ALG13: variants seen among roughly 807,000 people sequenced by gnomAD.
ALG13 encodes ALG13 UDP-N-acetylglucosaminyltransferase subunit, also known as UDP-N-acetylglucosamine transferase subunit ALG13.
In ALG13, 11 loss-of-function variants were observed where a neutral mutation model predicts 87.8. The ratio of observed to expected loss-of-function variants is 0.13; its 90% CI spans 0.08 to 0.21. The LOEUF is 0.21. Among genes scored for constraint, ALG13 ranks in the 10% least tolerant of loss-of-function variants. ALG13 has a pLI of 1.00. For synonymous variants in ALG13, 320 were observed against 306.3 expected (o/e 1.04, Z -0.47); for missense variants, 756 against 866.1 (o/e 0.87, Z 1.60).
At chrX:111,753,703 A>G (rs995981460) in intron 25 of ALG13, among the ~76,000 whole-genome samples, 1 of 111,583 alleles carries the variant, frequency 9.0e-6, no homozygotes, top group South Asian at 3.7e-4. Context: ...GGACACACAC[A>G]CCCTCCCAAG....
rs145167789 is a variant in ALG13, at chrX:111,759,343, G to C, written c.3149-391G>C. Among the ~76,000 whole-genome samples the C allele has an allele frequency of 4.5e-5, 5 of 110,900 alleles. No individual in the cohort carries two copies. In the East Asian group the frequency reaches 1.4e-3, roughly 32 times the overall value. On this transcript the variant is annotated intron_variant, in intron 26 of 26. Transcript: ENST00000394780. ...TAGACCAGAATGTCTAGACACCTGA[G>C]TTTTTCATTGCTAAATGGTTATTCG...
At chrX:111,681,507 C>G (rs1176338442) in intron 1 of ALG13, 36 of 1,019,114 alleles carry the variant, frequency 3.5e-5, no homozygotes, top group Non-Finnish European at 4.3e-5. Flanking sequence ...TTGCCTGTTT[C>G]CTCTTCCCAT....
At chrX:111,701,843 G>A (rs1476271910) in intron 3 of ALG13, among the ~76,000 whole-genome samples, 2 of 111,234 alleles carry the variant, frequency 1.8e-5, no homozygotes, top group African/African-American at 6.5e-5. Context: ...GTTACATCCT[G>A]TAAGTTTTTG....
At chrX:111,710,864 T>C (rs1939649732) in intron 5 of ALG13, 1 of 110,672 alleles carries the variant, frequency 9.0e-6, no homozygotes. Context: ...GTCTGGCTAA[T>C]TTTTTTGTAT....
intron 21 of ALG13, 96 bp downstream of exon 21, chrX:111,730,676 C>G: frequency 1.6e-6 from 1 of 627,789 alleles, no homozygotes. Flanking sequence ...TCAGAACAAC[C>G]CTGTGAGGCT....
chrX:111,698,952 C>G (rs1461350004), intron 3 of ALG13, among the ~76,000 whole-genome samples: 3 of 111,653 alleles, frequency 2.7e-5, no homozygotes, highest in African/African-American at 9.8e-5. Context: ...TCTATAATGG[C>G]TGTACTAATT....
At chrX:111,697,204 G>A (rs1241084409) in intron 3 of ALG13, among the ~76,000 whole-genome samples, 1 of 111,289 alleles carries the variant, frequency 9.0e-6, no homozygotes, top group Non-Finnish European at 1.9e-5. Context: ...GAGGGAAGAA[G>A]GTGTTTGATA....
intron 13 of ALG13, among the ~76,000 whole-genome samples, chrX:111,723,161 T>TC (rs1387827589): frequency 9.4e-6 from 1 of 106,173 alleles, no homozygotes; most frequent in Non-Finnish European, 1.9e-5. Flanking sequence ...TTATTTTTAT[T>TC]TTTTTTTTGA....
chrX:111,681,932 A>T, intron 1 of ALG13, 200 bp from the exon 2 acceptor site: 4 of 864,651 alleles, frequency 4.6e-6, no homozygotes, highest in East Asian at 4.1e-5. Context: ...TGGGTCGCTT[A>T]GATTCATGAG....
chrX:111,738,396 A>G (rs1246368411), intron 23 of ALG13, among the ~76,000 whole-genome samples: 2 of 112,310 alleles, frequency 1.8e-5, no homozygotes, highest in Non-Finnish European at 3.8e-5. Flanking sequence ...AAATTCTCCA[A>G]TAAGCATTTC....
intron 21 of ALG13, 114 bp downstream of exon 21, chrX:111,730,694 A>G (rs1475366890): frequency 1.1e-5 from 6 of 531,336 alleles, no homozygotes; most frequent in Non-Finnish European, 1.5e-5. Flanking sequence ...GCTTAGTATC[A>G]TTCTCATTTT....
chrX:111,707,540 C>G (rs1233762751), intron 3 of ALG13, among the ~76,000 whole-genome samples: 2 of 111,580 alleles, frequency 1.8e-5, no homozygotes, highest in Non-Finnish European at 1.9e-5. Flanking sequence ...TGCCCTCTGC[C>G]GCTATAGATT....
chrX:111,723,697 TAA>T, intron 13 of ALG13, 99 bp from the exon 14 acceptor site: 1 of 503,290 alleles, frequency 2.0e-6, no homozygotes, highest in Non-Finnish European at 3.4e-6. Flanking sequence ...CGAATTACTT[TAA>T]AAAGTAGACA....
chrX:111,712,012 A>G (rs1223550665), intron 6 of ALG13, among the ~76,000 whole-genome samples: 1 of 111,799 alleles, frequency 8.9e-6, no homozygotes, highest in Admixed American at 9.5e-5. Flanking sequence ...ACGGGGGAGG[A>G]GGGTGGTAAT....
chrX:111,719,975 C>T (rs1036100928), intron 10 of ALG13, 120 bp from the exon 11 acceptor site: 35 of 453,193 alleles, frequency 7.7e-5, no homozygotes, highest in Non-Finnish European at 1.2e-4. Context: ...AATGAAAAAG[C>T]ATTTGCCTTA....
intron 6 of ALG13, 91 bp from the exon 7 acceptor site, chrX:111,712,393 G>T: frequency 2.0e-6 from 1 of 504,036 alleles, no homozygotes; most frequent in Non-Finnish European, 3.4e-6. Context: ...ATCTAAAACA[G>T]TGCTAAGCAG....
intron 26 of ALG13, among the ~76,000 whole-genome samples, chrX:111,759,292 G>T (rs1320670432): frequency 9.0e-6 from 1 of 110,706 alleles, no homozygotes; most frequent in Non-Finnish European, 1.9e-5. Flanking sequence ...CTTTTAGGGT[G>T]TTCTTCAGAG....
At chrX:111,707,231 C>T (rs1280065698) in intron 3 of ALG13, among the ~76,000 whole-genome samples, 3 of 112,428 alleles carry the variant, frequency 2.7e-5, no homozygotes, top group African/African-American at 9.7e-5. Flanking sequence ...TCATCTCATA[C>T]TCTACCATAC....
At chrX:111,724,818 G>A in intron 14 of ALG13, 116 bp from the exon 15 acceptor site, 1 of 768,988 alleles carries the variant, frequency 1.3e-6, no homozygotes. Flanking sequence ...CAAGGAAACT[G>A]GTGTCAACCA....
Sources: gnomAD v4.1 joint callset for allele counts (sites outside exome capture counted in the v4.1 genomes callset) on GRCh38, gnomAD v4.1.1 for gene constraint, MANE v1.5 for transcripts, NCBI Gene and HGNC (gene_info 2026-07-23, HGNC 2026-07-21) for gene names.